Variants in ABL1 observed in about 807,000 individuals in gnomAD.
ABL1 encodes the protein tyrosine-protein kinase ABL1.
Under a neutral mutation model 94.7 loss-of-function variants are expected in ABL1, and 11 were observed. That is an observed-to-expected ratio of 0.12 (90% confidence interval 0.07 to 0.19). The LOEUF (loss-of-function observed/expected upper bound fraction) is 0.19, where lower values mean the gene tolerates loss of function less well. Ranked by LOEUF, ABL1 falls within the 10% of genes least tolerant of loss-of-function variation. ABL1 has a pLI of 1.00. For synonymous variants in ABL1, 656 were observed against 622.4 expected, an observed-to-expected ratio of 1.05 and a Z score of -0.80; for missense variants, 1,082 against 1,489.4, an observed-to-expected ratio of 0.73 and a Z score of 4.50.
chr9:130,727,858 C>T (rs754268153), intron 1 of ABL1, among the ~76,000 whole-genome samples: 5 of 150,364 alleles, frequency 3.3e-5, no homozygotes, highest in Admixed American at 1.3e-4. Context: ...AGTAATCCCA[C>T]AGTACACAGA....
intron 1 of ABL1, among the ~76,000 whole-genome samples, chr9:130,809,269 G>A (rs917858901): frequency 5.3e-5 from 8 of 152,064 alleles, no homozygotes; most frequent in African/African-American, 1.7e-4. Flanking sequence ...AACCATTTAC[G>A]GAGTTCACAC....
At chr9:130,847,772 T>A (rs1305685817) in intron 1 of ABL1, among the ~76,000 whole-genome samples, 1 of 152,200 alleles carries the variant, frequency 6.6e-6, no homozygotes, top group Non-Finnish European at 1.5e-5. Context: ...GACGTCCTGT[T>A]GAATCAAAAA....
chr9:130,797,233 C>T, intron 1 of ABL1, among the ~76,000 whole-genome samples: 1 of 70,506 alleles, frequency 1.4e-5, no homozygotes, highest in Non-Finnish European at 2.3e-5. Flanking sequence ...GAGACTCCAT[C>T]TCGAAAAAAA....
At chr9:130,822,537 G>A (rs1830375381) in intron 1 of ABL1, among the ~76,000 whole-genome samples, 1 of 150,374 alleles carries the variant, frequency 6.7e-6, no homozygotes, top group South Asian at 2.1e-4. Flanking sequence ...CCTAGTAGCT[G>A]GGACTATAGG....
intron 1 of ABL1, among the ~76,000 whole-genome samples, chr9:130,806,437 C>T (rs1239091546): frequency 6.6e-6 from 1 of 152,134 alleles, no homozygotes; most frequent in African/African-American, 2.4e-5. Context: ...CAGAGAACTC[C>T]ATATTGCATT....
Position 130,716,244 on chromosome 9 carries a change from G to A in ABL1, c.136+1789G>A, listed in dbSNP as rs147072005. Among the ~76,000 whole-genome samples, 1,035 of 151,668 alleles carry A rather than the reference G, an allele frequency of 6.8e-3. 15 individuals are homozygous for A. Among genetic ancestry groups the A allele is most frequent in the African/African-American group, 0.024 (972 of 41,338 alleles). On this transcript the variant is annotated intron_variant, in intron 1 of 10. Transcript: ENST00000372348. ...CAAGTAGGTGGGACTACAGGCACGC[G>A]TCACTGACGCCCGGCTAATTTTTGT... is the stretch of plus-strand genomic sequence containing the variant.
chr9:130,834,975 C>T (rs1215992095), upstream of ABL1: 14 of 452,650 alleles, frequency 3.1e-5, no homozygotes, highest in East Asian at 9.1e-4. Context: ...TTGCGCGCGG[C>T]TTCTAAAGTG....
chr9:130,856,061 G>A (rs1312920249), intron 3 of ABL1, among the ~76,000 whole-genome samples: 1 of 151,980 alleles, frequency 6.6e-6, no homozygotes, highest in African/African-American at 2.4e-5. Flanking sequence ...GACCACAGGC[G>A]CACACCACCA....
intron 1 of ABL1, among the ~76,000 whole-genome samples, chr9:130,823,747 A>C (rs1245007199): frequency 6.6e-6 from 1 of 152,178 alleles, no homozygotes; most frequent in Non-Finnish European, 1.5e-5. Context: ...GCCTGGCCAC[A>C]AGAGAGACTG....
rs1210484348 is a variant in ABL1, at chr9:130,884,973, C to T, written c.2683C>T (p.Leu895Phe). The change falls in exon 11 of 11, where the codon CTC (leucine) becomes TTC (phenylalanine). Residue 895 changes from leucine (L) to phenylalanine (F), a missense_variant. By Grantham distance (22) the Leu-to-Phe change is conservative. Around this residue, in one of 7 missense-constraint regions of ABL1, gnomAD observed 780 missense variants for 835.8 expected, o/e 0.93. Transcript: ENST00000318560. The surrounding 1 kb of genome is among the most constrained non-coding windows in gnomAD (Gnocchi z 5.6). ...PGRDKGKLSR[L>F]KPAPPPPPAA... is the part of the protein sequence containing the mutation. ...GAGGGACAAGGGGAAATTGTCCAGG[C>T]TCAAACCTGCCCCGCCGCCCCCACC... 1.5e-5 allele frequency: 24 copies of T among 1,610,774 alleles called. No individual in the cohort carries two copies. In the Middle Eastern group the frequency reaches 6.6e-4, roughly 44 times the overall value.
chr9:130,837,457 G>GA (rs1250964616), intron 1 of ABL1, among the ~76,000 whole-genome samples: 1 of 151,790 alleles, frequency 6.6e-6, no homozygotes, highest in African/African-American at 2.4e-5. Context: ...ATTTAGTATG[G>GA]ACCTGGCTGG....
intron 1 of ABL1, among the ~76,000 whole-genome samples, chr9:130,776,421 C>A (rs1832311487): frequency 1.3e-5 from 2 of 152,178 alleles, no homozygotes; most frequent in Admixed American, 6.5e-5. Context: ...CATGGCGAAA[C>A]CCCGTCTCTA....
rs375953109 is a variant in ABL1 at position 130,872,851 on chromosome 9, T to C, written c.908-9T>C. 3.1e-6 allele frequency: 5 copies of C among 1,602,484 alleles called. No homozygotes were observed. In the African/African-American group the frequency reaches 4.0e-5, roughly 13 times the overall value. On this transcript the variant is annotated splice_polypyrimidine_tract_variant and intron_variant, in intron 5 of 10. Coordinates refer to ENST00000318560, the MANE Select transcript of ABL1 (RefSeq NM_005157.6). The surrounding 1 kb of genome is among the most constrained non-coding windows in gnomAD (Gnocchi z 5.0). Reference sequence around the variant, plus strand: ...CCACGTGTTGAAGTCCTCGTTGTCTTGTTGGCAGGGGTCTGCACCCGGGAG... The same window carrying C: ...CCACGTGTTGAAGTCCTCGTTGTCTCGTTGGCAGGGGTCTGCACCCGGGAG...
chr9:130,824,165 G>A (rs961497365), intron 1 of ABL1, among the ~76,000 whole-genome samples: 4 of 152,164 alleles, frequency 2.6e-5, no homozygotes, highest in African/African-American at 7.2e-5. Context: ...AGCTTAAGAA[G>A]TCCCACAGTC....
intron 4 of ABL1, among the ~76,000 whole-genome samples, chr9:130,866,641 G>A (rs1204539475): frequency 6.6e-6 from 1 of 152,108 alleles, no homozygotes; most frequent in African/African-American, 2.4e-5. Flanking sequence ...TACCTTCCAG[G>A]CAGAAGGAAG....
In ABL1 at chr9:130,854,282, A is replaced by G. The variant is rs778329772; in HGVS notation, c.253+45A>G. On this transcript the variant is annotated intron_variant, in intron 2 of 10. Coordinates refer to ENST00000318560, the MANE Select transcript of ABL1 (RefSeq NM_005157.6). Reference sequence around the variant, plus strand: ...CTAGTGGTGGTTGCAGGAGATAGAAATCTGGGAATTGCGGTTTGACCTACC... The same window carrying G: ...CTAGTGGTGGTTGCAGGAGATAGAAGTCTGGGAATTGCGGTTTGACCTACC... The G allele has an allele frequency of 3.8e-6, 6 of 1,594,454 alleles. No individual in the cohort carries two copies. The African/African-American group carries it at 8.1e-5, about 21-fold the overall frequency.
chr9:130,776,581 A>C (rs1347243152), intron 1 of ABL1, among the ~76,000 whole-genome samples: 2 of 151,782 alleles, frequency 1.3e-5, no homozygotes, highest in African/African-American at 2.4e-5. Flanking sequence ...TATCTCAAAA[A>C]AAAAAAAAAG....
At chr9:130,744,717 C>T (rs1423293008) in intron 1 of ABL1, among the ~76,000 whole-genome samples, 7 of 150,584 alleles carry the variant, frequency 4.6e-5, no homozygotes, top group South Asian at 2.1e-4. Flanking sequence ...ATTAGCCGAG[C>T]GTAGTGGTGG....
intron 1 of ABL1, among the ~76,000 whole-genome samples, chr9:130,723,419 T>C (rs1256531563): frequency 1.3e-5 from 2 of 152,152 alleles, no homozygotes; most frequent in Non-Finnish European, 1.5e-5. Context: ...AATAATGTCC[T>C]GTGCTTGTCT....
Sources: gnomAD v4.1 joint callset for allele counts (sites outside exome capture counted in the v4.1 genomes callset) on GRCh38, gnomAD v4.1.1 for gene constraint, gnomAD v4.1.1 regional missense constraint, Gnocchi (gnomAD v3.1) non-coding constraint, MANE v1.5 for transcripts, NCBI Gene and HGNC (gene_info 2026-07-23, HGNC 2026-07-21) for gene names.